Variants in CLSPN observed in about 807,000 individuals in gnomAD.
The protein encoded by CLSPN is claspin, also known as claspin homolog.
Under a neutral mutation model 156.3 loss-of-function variants are expected in CLSPN, and 85 were observed. The observed-to-expected ratio is 0.54, with a 90% CI of 0.46 to 0.65. The LOEUF (loss-of-function observed/expected upper bound fraction) is 0.65, where lower values mean the gene tolerates loss of function less well. Ranked by LOEUF, CLSPN falls within the 30% of genes least tolerant of loss-of-function variation. The pLI, the probability that CLSPN is intolerant of heterozygous loss-of-function variation, is 0.00. For synonymous variants in CLSPN, 534 were observed against 542.4 expected (o/e 0.98, Z 0.22); for missense variants, 1,407 against 1,554.9 (o/e 0.90, Z 1.60).
chr1:35,726,818 C>A (rs1305398723), intron 24 of CLSPN, among the ~76,000 whole-genome samples: 2 of 152,154 alleles, frequency 1.3e-5, no homozygotes, highest in East Asian at 3.8e-4. Flanking sequence ...GACTGATTGG[C>A]CTTCAGTGAT....
Position 35,735,800 on chromosome 1 carries a change from C to G in CLSPN, c.*696G>C. On this transcript the variant is annotated 3_prime_UTR_variant, in exon 25 of 25. Coordinates refer to ENST00000318121, the MANE Select transcript of CLSPN (RefSeq NM_022111.4). ...GGAGTCATTATGGTACTGATTTTCA[C>G]TGTTTAATCTGTAATGTCACACTTT... The G allele has an allele frequency of 1.0e-6, 1 of 985,212 alleles. No homozygotes were observed. Among genetic ancestry groups the G allele is most frequent in the East Asian group, 1.1e-4 (1 of 8,808 alleles). 61.0% of individuals were successfully genotyped at this position (985,212 alleles called of 1,614,324 possible).
intron 13 of CLSPN, 136 bp from the exon 14 acceptor site, chr1:35,748,197 C>T (rs114946854): frequency 9.5e-7 from 1 of 1,049,596 alleles, no homozygotes; most frequent in East Asian, 2.4e-5. Context: ...CAATACACAG[C>T]CATGAGAAGC....
Position 35,733,117 on chromosome 1 carries a change from A to G in CLSPN, c.*3379T>C, listed in dbSNP as rs1457891280. 4.3e-6 allele frequency: 1 copy of G among 230,848 alleles called. No individual in the cohort carries two copies. 14.3% of individuals were successfully genotyped at this position (230,848 alleles called of 1,614,324 possible). The stretch of plus-strand genomic sequence containing the variant: ...GTAGCTGGGACTACAGGCACCTGCC[A>G]CCACCAAGCCTGGCTGATTTTTGTA... On this transcript the variant is annotated 3_prime_UTR_variant, in exon 25 of 25. Transcript: ENST00000318121.
rs1180521294 is a variant in CLSPN at position 35,732,843 on chromosome 1, A to G, written c.*3653T>C. The G allele has an allele frequency of 2.0e-6, 2 of 985,318 alleles. No individual in the cohort carries two copies. Among genetic ancestry groups the G allele is most frequent in the Non-Finnish European group, 2.4e-6 (2 of 829,932 alleles). The allele number at this position is 985,318 out of a possible 1,614,324, so 61.0% of individuals were successfully genotyped here. On this transcript the variant is annotated 3_prime_UTR_variant, in exon 25 of 25. Transcript: ENST00000318121. ...CCATGTCAATCCTGTTACCAAGATCAAGGCTTAGCTTACTTTATAGCAGCC... is the reference window on the plus strand; with the variant it reads ...CCATGTCAATCCTGTTACCAAGATCGAGGCTTAGCTTACTTTATAGCAGCC...
chr1:35,720,956 A>C (rs766707446), exon 25 of CLSPN: 24 of 1,611,264 alleles, frequency 1.5e-5, no homozygotes, highest in Non-Finnish European at 1.7e-6. Context: ...CAGGTGAGCC[A>C]GTCAGAGTCC....
chr1:35,759,415 A>G (rs918993790), intron 8 of CLSPN, among the ~76,000 whole-genome samples: 9 of 152,122 alleles, frequency 5.9e-5, no homozygotes, highest in Non-Finnish European at 8.8e-5. Context: ...CATGTTATTT[A>G]TTTTCCAATT....
intron 24 of CLSPN, 128 bp downstream of exon 24, chr1:35,736,786 C>T: frequency 4.5e-6 from 6 of 1,321,590 alleles, no homozygotes; most frequent in Non-Finnish European, 6.2e-6. Context: ...TTCTCTTGTA[C>T]CTTATCGGGG....
chr1:35,736,962 T>G lies in CLSPN; in HGVS notation c.3861A>C (p.Thr1287=). 1 of 1,614,106 alleles carries G rather than the reference T, an allele frequency of 6.2e-7. No individual in the cohort carries two copies. Among genetic ancestry groups the G allele is most frequent in the Non-Finnish European group, 8.5e-7 (1 of 1,179,994 alleles). The change falls in exon 24 of 25, where the codon ACA becomes ACC. Residue 1287 remains threonine (T), a synonymous_variant. Coordinates refer to ENST00000318121, the MANE Select transcript of CLSPN (RefSeq NM_022111.4). ...PRNSRNFVFH[T]LSPVKAEAAK... is the part of the protein sequence containing the mutation. The stretch of plus-strand genomic sequence containing the variant: ...CCGCCTCAGCCTTGACAGGAGAAAG[T>G]GTATGAAAGACAAAGTTTCTTGAAT...
downstream of CLSPN, among the ~76,000 whole-genome samples, chr1:35,729,403 C>G (rs1641266331): frequency 6.6e-6 from 1 of 152,196 alleles, no homozygotes; most frequent in Admixed American, 6.5e-5. Context: ...GCTGTAGCTA[C>G]TTCAAACTCC....
At chr1:35,768,823 C>T (rs1456159171) in intron 1 of CLSPN, among the ~76,000 whole-genome samples, 3 of 152,042 alleles carry the variant, frequency 2.0e-5, no homozygotes, top group Non-Finnish European at 4.4e-5. Flanking sequence ...CTTTGAATGA[C>T]GATTATCTTC....
chr1:35,721,507 C>T (rs1641072682), intron 24 of CLSPN, among the ~76,000 whole-genome samples: 1 of 152,198 alleles, frequency 6.6e-6, no homozygotes, highest in Non-Finnish European at 1.5e-5. Flanking sequence ...CCTGCCTCAG[C>T]CTCCCGAGTA....
downstream of CLSPN, among the ~76,000 whole-genome samples, chr1:35,731,199 CAAA>C (rs78926364): frequency 1.2e-5 from 1 of 80,454 alleles, no homozygotes. Context: ...GACTCTGTCT[CAAA>C]AAAAAAAAAA....
chr1:35,763,067 TAA>T, intron 4 of CLSPN, 91 bp downstream of exon 4: 4 of 1,019,062 alleles, frequency 3.9e-6, no homozygotes, highest in African/African-American at 1.7e-5. Flanking sequence ...TTTCTTCAGT[TAA>T]AAAAAAAATT....
intron 22 of CLSPN, chr1:35,737,740 C>G (rs1641526214): frequency 2.2e-6 from 1 of 450,222 alleles, no homozygotes; most frequent in Admixed American, 3.5e-5. Flanking sequence ...TAGAGAAAGC[C>G]AGAATTAACT....
At chr1:35,738,743 T>C (rs752457843) in intron 20 of CLSPN, among the ~76,000 whole-genome samples, 161 bp from the exon 21 acceptor site, 15 of 151,938 alleles carry the variant, frequency 9.9e-5, no homozygotes, top group African/African-American at 1.9e-4. Context: ...TAGCCTGTTA[T>C]AGTTTTGCTT....
Position 35,736,614 on chromosome 1 carries a change from GC to G in CLSPN, c.3910-9del. The G allele has an allele frequency of 6.2e-7, 1 of 1,605,878 alleles. No individual in the cohort carries two copies. Among genetic ancestry groups the G allele is most frequent in the South Asian group, 1.1e-5 (1 of 88,984 alleles). On this transcript the variant is annotated splice_polypyrimidine_tract_variant and intron_variant, in intron 24 of 24. Coordinates refer to ENST00000318121, the MANE Select transcript of CLSPN (RefSeq NM_022111.4). ...TGGACCCCTTTTCTTTACCTAGAGA[GC>G]AGAGAGGGAGTCAGGGCCAGCTAAA...
chr1:35,766,357 G>A (rs1642674544), intron 1 of CLSPN, among the ~76,000 whole-genome samples: 1 of 151,654 alleles, frequency 6.6e-6, no homozygotes, highest in Admixed American at 6.6e-5. Flanking sequence ...TATAAAGAAA[G>A]TTAACACATA....
At chr1:35,769,731 G>T (rs1488314457) in intron 1 of CLSPN, 116 bp downstream of exon 1, 26 of 997,296 alleles carry the variant, frequency 2.6e-5, no homozygotes, top group Non-Finnish European at 3.6e-5. Context: ...GCGAACGCCG[G>T]GAGCCGCAGT....
downstream of CLSPN, among the ~76,000 whole-genome samples, chr1:35,731,494 T>C (rs1240913340): frequency 6.6e-6 from 1 of 152,114 alleles, no homozygotes; most frequent in African/African-American, 2.4e-5. Context: ...AGATTTTAAG[T>C]AGTGAAGTGT....
Sources: allele counts gnomAD v4.1 joint callset (sites outside exome capture counted in the v4.1 genomes callset), GRCh38; gene constraint gnomAD v4.1.1; transcripts MANE v1.5; gene names NCBI Gene and HGNC (gene_info 2026-07-23, HGNC 2026-07-21).